The following ADAMTS20 variants were observed in gnomAD, a reference collection of about 807,000 sequenced individuals.
ADAMTS20 encodes the protein A disintegrin and metalloproteinase with thrombospondin motifs 20.
In ADAMTS20, 225 loss-of-function variants were observed where a neutral mutation model predicts 260.1. The ratio of observed to expected loss-of-function variants is 0.87; its 90% CI spans 0.78 to 0.97. The LOEUF (loss-of-function observed/expected upper bound fraction) is 0.97. Among genes scored for constraint, ADAMTS20 ranks in the 50% least tolerant of loss-of-function variants. The pLI is 0.00. For missense variants in ADAMTS20, 2,400 were observed against 2,337.7 expected (o/e 1.03, Z -0.55); for synonymous variants, 802 against 769.5 (o/e 1.04, Z -0.70).
At chr12:43,379,857 G>T (rs1487123172) in intron 31 of ADAMTS20, among the ~76,000 whole-genome samples, 1 of 151,996 alleles carries the variant, frequency 6.6e-6, no homozygotes, top group Non-Finnish European at 1.5e-5. Flanking sequence ...CACAAGAAAA[G>T]CCCAGGACCA....
chr12:43,385,530 A>G (rs187859469), intron 29 of ADAMTS20, among the ~76,000 whole-genome samples: 2 of 152,308 alleles, frequency 1.3e-5, no homozygotes, highest in Admixed American at 1.3e-4. Context: ...GCCCATGCCT[A>G]TGTCCTGAAT....
At chr12:43,550,223 C>T (rs275634) in intron 2 of ADAMTS20, among the ~76,000 whole-genome samples, 142,529 of 152,296 alleles carry the variant, frequency 0.94, 67,177 homozygotes, top group East Asian at 0.99. Flanking sequence ...ACCACAGACA[C>T]TGTGGCTTTA....
At chr12:43,400,742 T>G (rs1283986624) in intron 28 of ADAMTS20, among the ~76,000 whole-genome samples, 1 of 151,950 alleles carries the variant, frequency 6.6e-6, no homozygotes, top group Non-Finnish European at 1.5e-5. Flanking sequence ...TTATTGAGTA[T>G]CAAGTATATA....
chr12:43,434,834 A>T (rs1187463026), intron 18 of ADAMTS20, among the ~76,000 whole-genome samples: 1 of 152,184 alleles, frequency 6.6e-6, no homozygotes, highest in Non-Finnish European at 1.5e-5. Context: ...GATTGGCATC[A>T]GGCTTTTTAT....
chr12:43,383,635 A>C lies in ADAMTS20; in HGVS notation c.4720T>G (p.Ser1574Ala). 6.2e-7 allele frequency: 1 copy of C among 1,613,888 alleles called. No individual in the cohort carries two copies. The highest frequency in any genetic ancestry group is 8.5e-7 in the Non-Finnish European group (1 of 1,179,854). The stretch of plus-strand genomic sequence containing the variant: ...TTCTTGGATGTAAGAGATATGGTTG[A>C]AGAATTATAGACTATTTCATTCACT... ...RQVNEIVYNS[S>A]TISLTSKNCR... Residue 1574 changes from serine to alanine, a missense_variant, in exon 31 of 39, where the codon TCA (serine) becomes GCA (alanine). Physicochemically the swap from Ser to Ala is moderately conservative, Grantham distance 99. Coordinates refer to ENST00000389420, the MANE Select transcript of ADAMTS20 (RefSeq NM_025003.5).
At chr12:43,541,988 T>C (rs1943382531) in intron 2 of ADAMTS20, among the ~76,000 whole-genome samples, 1 of 152,220 alleles carries the variant, frequency 6.6e-6, no homozygotes, top group South Asian at 2.1e-4. Flanking sequence ...TGGACTCATC[T>C]ACCCAAGATT....
At chr12:43,452,471 T>C (rs778287207) in intron 13 of ADAMTS20, 43 bp downstream of exon 13, 2 of 1,602,430 alleles carry the variant, frequency 1.2e-6, no homozygotes, top group Non-Finnish European at 1.7e-6. Flanking sequence ...TGTTCTTACG[T>C]CTCAGAAAAA....
At chr12:43,358,610 G>T (rs1389266464) in intron 37 of ADAMTS20, among the ~76,000 whole-genome samples, 1 of 151,752 alleles carries the variant, frequency 6.6e-6, no homozygotes, top group Non-Finnish European at 1.5e-5. Flanking sequence ...AGGCCGAGAC[G>T]GGCGGATCAC....
Position 43,431,403 on chromosome 12 carries a change from T to G in ADAMTS20, c.3190A>C (p.Thr1064Pro). The G allele has an allele frequency of 6.2e-7, 1 of 1,613,970 alleles. No homozygotes were observed. ...CATGGACTCAGAGATTCAGGTTTGG[T>G]ACTTGAATTACAGAAGCCATCACTC... ...HLSDGFCNSSTKPESLSPCEL... is the reference protein window; with the variant it reads ...HLSDGFCNSSPKPESLSPCEL... The change falls in exon 22 of 39, where the codon ACC becomes CCC. Residue 1064 changes from threonine (T) to proline (P), a missense_variant. Thr to Pro is a conservative substitution (Grantham distance 38). Coordinates refer to ENST00000389420, the MANE Select transcript of ADAMTS20 (RefSeq NM_025003.5).
At chr12:43,500,112 T>C (rs1237099568) in intron 4 of ADAMTS20, among the ~76,000 whole-genome samples, 2 of 151,528 alleles carry the variant, frequency 1.3e-5, no homozygotes, top group Non-Finnish European at 2.9e-5. Flanking sequence ...CACTGCAACC[T>C]CCATCTCCTG....
At chr12:43,433,009 G>A (rs927121238) in intron 19 of ADAMTS20, among the ~76,000 whole-genome samples, 198 bp from the exon 20 acceptor site, 3 of 152,046 alleles carry the variant, frequency 2.0e-5, no homozygotes, top group Non-Finnish European at 2.9e-5. Flanking sequence ...TTGGAGGTGC[G>A]TCCAAGGAAC....
chr12:43,432,494 C>G (rs1941465701), intron 20 of ADAMTS20, 26 bp from the exon 21 acceptor site: 1 of 1,589,802 alleles, frequency 6.3e-7, no homozygotes, highest in South Asian at 1.2e-5. Context: ...AAAGTGGTAA[C>G]TAATGGAAAA....
chr12:43,528,465 A>G (rs1008922284), intron 3 of ADAMTS20, among the ~76,000 whole-genome samples: 1 of 151,730 alleles, frequency 6.6e-6, no homozygotes, highest in South Asian at 2.1e-4. Flanking sequence ...AAAAGTAGGC[A>G]CATAGACCAA....
intron 4 of ADAMTS20, among the ~76,000 whole-genome samples, chr12:43,494,694 C>A (rs780297646): frequency 6.6e-6 from 1 of 151,986 alleles, no homozygotes. Context: ...GTTAGCAATG[C>A]AGTATTTCTC....
intron 2 of ADAMTS20, 125 bp from the exon 3 acceptor site, chr12:43,532,320 T>A: frequency 3.8e-6 from 3 of 796,774 alleles, no homozygotes; most frequent in Non-Finnish European, 5.8e-6. Context: ...CTAAGAGCCA[T>A]CAACTGAGCA....
At chr12:43,546,748 C>T (rs1169050974) in intron 2 of ADAMTS20, among the ~76,000 whole-genome samples, 1 of 152,090 alleles carries the variant, frequency 6.6e-6, no homozygotes, top group Non-Finnish European at 1.5e-5. Context: ...TTAGCCATTA[C>T]ATTACTTATA....
At chr12:43,421,488 GAA>G (rs1941237984) in intron 28 of ADAMTS20, among the ~76,000 whole-genome samples, 1 of 151,902 alleles carries the variant, frequency 6.6e-6, no homozygotes, top group African/African-American at 2.4e-5. Flanking sequence ...CTTCTAAAAT[GAA>G]ACTTAGTGAG....
chr12:43,532,380 T>C (rs1943235317), intron 2 of ADAMTS20, among the ~76,000 whole-genome samples, 185 bp from the exon 3 acceptor site: 1 of 152,026 alleles, frequency 6.6e-6, no homozygotes, highest in South Asian at 2.1e-4. Flanking sequence ...CTCCTATACA[T>C]AAAGTCATGA....
At chr12:43,405,229 CAAAAAA>C (rs869040570) in intron 28 of ADAMTS20, among the ~76,000 whole-genome samples, 70 of 52,766 alleles carry the variant, frequency 1.3e-3, no homozygotes, top group African/African-American at 5.3e-3. Flanking sequence ...CTCATCTCTA[CAAAAAA>C]AAAAAAAAAA....
Sources: allele counts gnomAD v4.1 joint callset (sites outside exome capture counted in the v4.1 genomes callset), GRCh38; gene constraint gnomAD v4.1.1; transcripts MANE v1.5; gene names NCBI Gene and HGNC (gene_info 2026-07-23, HGNC 2026-07-21).